The following CASZ1 variants were observed in gnomAD, a reference collection of about 807,000 sequenced individuals.
CASZ1 encodes zinc finger protein castor homolog 1.
CASZ1 carries 28 observed loss-of-function variants against 135.2 expected under a neutral mutation model. The ratio of observed to expected loss-of-function variants is 0.21; its 90% CI spans 0.15 to 0.28. The LOEUF (loss-of-function observed/expected upper bound fraction) is 0.28. CASZ1 is among the 10% of genes least tolerant of loss of function. The pLI is 1.00. For missense variants in CASZ1, 2,161 were observed against 2,453.3 expected (o/e 0.88, Z 2.52); for synonymous variants, 1,068 against 1,073.4 (o/e 0.99, Z 0.10).
intron 3 of CASZ1, among the ~76,000 whole-genome samples, chr1:10,698,209 C>T (rs1246237866): frequency 1.3e-5 from 2 of 152,240 alleles, no homozygotes; most frequent in Non-Finnish European, 2.9e-5. Context: ...TCCTGTTAGC[C>T]AGCAATCTCC....
chr1:10,744,031 C>T (rs531105115), intron 2 of CASZ1, among the ~76,000 whole-genome samples: 2 of 152,144 alleles, frequency 1.3e-5, no homozygotes, highest in African/African-American at 2.4e-5. Flanking sequence ...CTTGGCATAC[C>T]ACCTAATCAG....
chr1:10,787,495 G>A (rs374975504), intron 1 of CASZ1, among the ~76,000 whole-genome samples: 5 of 152,242 alleles, frequency 3.3e-5, no homozygotes, highest in Non-Finnish European at 5.9e-5. Flanking sequence ...GAGCGGCACA[G>A]CTGAGCTCCC....
intron 4 of CASZ1, among the ~76,000 whole-genome samples, chr1:10,678,253 C>T (rs900895186): frequency 6.6e-5 from 10 of 152,220 alleles, no homozygotes; most frequent in East Asian, 1.9e-4. Context: ...GCGACCATGA[C>T]GAGGACATGA....
At chr1:10,654,699 C>A in intron 9 of CASZ1, 108 bp from the exon 10 acceptor site, 2 of 1,069,244 alleles carry the variant, frequency 1.9e-6, no homozygotes, top group South Asian at 3.0e-5. Context: ...CTCAGGGAAG[C>A]TTTGGCACCT....
Position 10,644,981 on chromosome 1 carries a change from C to A in CASZ1, c.3804G>T (p.Lys1268Asn), listed in dbSNP as rs776839311. The A allele has an allele frequency of 6.2e-7, 1 of 1,614,050 alleles. No individual in the cohort carries two copies. The highest frequency in any genetic ancestry group is 2.2e-5 in the East Asian group (1 of 44,880). Residue 1268 changes from lysine (K) to asparagine (N), a missense_variant, in exon 18 of 21, where the codon AAG becomes AAT. Lys to Asn is a moderately conservative substitution (Grantham distance 94). Around this residue, in one of 7 missense-constraint regions of CASZ1, gnomAD observed 349 missense variants for 460.8 expected, o/e 0.76. Coordinates refer to ENST00000377022, the MANE Select transcript of CASZ1 (RefSeq NM_001079843.3). ...KLPWHIKKHE[K>N]AERRAANGFK... ...AGCCATTGGCTGCCCGCCGCTCCGC[C>A]TTCTCATGCTTCTTGATGTGCCAGG...
chr1:10,729,225 G>C (rs988834990), intron 2 of CASZ1, among the ~76,000 whole-genome samples: 2 of 152,172 alleles, frequency 1.3e-5, no homozygotes, highest in Non-Finnish European at 2.9e-5. Context: ...AGGCCAGAGG[G>C]CCCAAGACAG....
intron 1 of CASZ1, among the ~76,000 whole-genome samples, chr1:10,786,152 C>T (rs563068739): frequency 3.9e-5 from 6 of 152,262 alleles, no homozygotes; most frequent in Middle Eastern, 3.4e-3. Flanking sequence ...CGCCTTGGGC[C>T]GGTTTCCAAG....
chr1:10,644,866 T>C lies in CASZ1; in HGVS notation c.3868+51A>G, dbSNP rs376464364. 50 of 1,563,262 alleles carry C rather than the reference T, an allele frequency of 3.2e-5. No individual in the cohort carries two copies. In the African/African-American group the frequency reaches 5.7e-4, roughly 18 times the overall value. On this transcript the variant is annotated intron_variant, in intron 18 of 20. Coordinates refer to ENST00000377022, the MANE Select transcript of CASZ1 (RefSeq NM_001079843.3). ...GAGGCGGCCCAGGCCACGGGGGCCATGGTCTTGATGCCTGCTGCAAGTCCC... is the reference window on the plus strand; with the variant it reads ...GAGGCGGCCCAGGCCACGGGGGCCACGGTCTTGATGCCTGCTGCAAGTCCC...
intron 8 of CASZ1, 106 bp from the exon 9 acceptor site, chr1:10,655,919 G>A: frequency 8.6e-7 from 1 of 1,166,754 alleles, no homozygotes; most frequent in Non-Finnish European, 1.2e-6. Flanking sequence ...GGTCTCCCTA[G>A]AAAGAACCCT....
In CASZ1 at chr1:10,679,289, C is replaced by G. The variant is rs1487865619; in HGVS notation, c.17-13718G>C. Among the ~76,000 whole-genome samples the G allele has an allele frequency of 2.6e-5, 4 of 152,202 alleles. No individual in the cohort carries two copies. Among genetic ancestry groups the G allele is most frequent in the African/African-American group, 9.6e-5 (4 of 41,452 alleles). ...AGCCTAGTCCCAAACCTGAGGCAGA[C>G]AGGTCTCCTGGGCCATCTGCACCAC... On this transcript the variant is annotated intron_variant, in intron 4 of 20. Coordinates refer to ENST00000377022, the MANE Select transcript of CASZ1 (RefSeq NM_001079843.3). The surrounding 1 kb of genome is among the most constrained non-coding windows in gnomAD (Gnocchi z 4.7).
Position 10,676,983 on chromosome 1 carries a change from C to T in CASZ1, c.17-11412G>A, listed in dbSNP as rs975471261. 6.6e-6 allele frequency among the ~76,000 whole-genome samples: 1 copy of T among 152,228 alleles called. No individual in the cohort carries two copies. Among genetic ancestry groups the T allele is most frequent in the Non-Finnish European group, 1.5e-5 (1 of 68,044 alleles). ...GCCAGTCAGGGGGTGCAGGGCCCCA[C>T]AGACTTCAGTGCTGCCTGGGCTCTG... On this transcript the variant is annotated intron_variant, in intron 4 of 20. Coordinates refer to ENST00000377022, the MANE Select transcript of CASZ1 (RefSeq NM_001079843.3). This position sits in a 1 kb window ranked among gnomAD's most constrained non-coding sequence, Gnocchi z 4.5.
At position 10,643,129 on chromosome 1, in the gene CASZ1, G is replaced by C. The variant is rs368573634; in HGVS notation, c.4020+31C>G. The C allele has an allele frequency of 5.0e-6, 8 of 1,606,034 alleles. No individual in the cohort carries two copies. The African/African-American group carries it at 9.4e-5, about 19-fold the overall frequency. On this transcript the variant is annotated intron_variant, in intron 19 of 20. Coordinates refer to ENST00000377022, the MANE Select transcript of CASZ1 (RefSeq NM_001079843.3). ...GACCATGATGCGTTCCCGCCACCCT[G>C]GCTGGGCTCTCACCTGGGGGGGGCT...
intron 1 of CASZ1, among the ~76,000 whole-genome samples, chr1:10,784,119 C>T (rs1309615365): frequency 1.3e-5 from 2 of 152,182 alleles, no homozygotes; most frequent in Admixed American, 6.5e-5. Flanking sequence ...AAGCCCCGTT[C>T]TGCCTCACTC....
At position 10,780,315 on chromosome 1, in the gene CASZ1, CTG is replaced by C. The variant is rs1339130519; in HGVS notation, c.-234+16247_-234+16248del. 2.0e-5 allele frequency among the ~76,000 whole-genome samples: 3 copies of C among 152,204 alleles called. No individual in the cohort carries two copies. In the East Asian group the frequency reaches 5.8e-4, roughly 29 times the overall value. On this transcript the variant is annotated intron_variant, in intron 1 of 20. Coordinates refer to ENST00000377022, the MANE Select transcript of CASZ1 (RefSeq NM_001079843.3). ...TTAAAAGGAAAATTCTGCCACTTAA[CTG>C]AGCAAAAGCTACCCAGGAGAGAACA...
At chr1:10,742,124 G>C (rs1202504125) in intron 2 of CASZ1, among the ~76,000 whole-genome samples, 1 of 152,116 alleles carries the variant, frequency 6.6e-6, no homozygotes, top group Non-Finnish European at 1.5e-5. Flanking sequence ...GTCCCAAACA[G>C]ACAGAAGCAT....
intron 4 of CASZ1, among the ~76,000 whole-genome samples, chr1:10,668,562 G>A (rs1276903546): frequency 6.6e-6 from 1 of 152,242 alleles, no homozygotes; most frequent in Non-Finnish European, 1.5e-5. Context: ...GGGCTGGGCC[G>A]GGGCCTGGGA....
chr1:10,711,973 G>A lies in CASZ1; in HGVS notation c.-76-6429C>T, dbSNP rs932919644. ...AAGGGGTTCAGGGTTTCTGTCTGGA[G>A]TGATGAAAAAGTTCTGGAACTAGCT... On this transcript the variant is annotated intron_variant, in intron 2 of 20. Coordinates refer to ENST00000377022, the MANE Select transcript of CASZ1 (RefSeq NM_001079843.3). The surrounding 1 kb of genome is among the most constrained non-coding windows in gnomAD (Gnocchi z 4.4). Among the ~76,000 whole-genome samples, 38 of 152,322 alleles carry A rather than the reference G, an allele frequency of 2.5e-4. No homozygotes were observed. Among genetic ancestry groups the A allele is most frequent in the African/African-American group, 8.7e-4 (36 of 41,572 alleles).
chr1:10,674,624 C>T (rs1009712859), intron 4 of CASZ1, among the ~76,000 whole-genome samples: 1 of 152,238 alleles, frequency 6.6e-6, no homozygotes, highest in Non-Finnish European at 1.5e-5. Context: ...CTGGCTGGGG[C>T]TGCAGAGCAC....
In CASZ1 at chr1:10,676,332, C is replaced by T. The variant is rs1638222476; in HGVS notation, c.17-10761G>A. On this transcript the variant is annotated intron_variant, in intron 4 of 20. Transcript: ENST00000377022. This position sits in a 1 kb window ranked among gnomAD's most constrained non-coding sequence, Gnocchi z 4.5. ...GGCCACGTTGAGGGAGGGCCCCTGC[C>T]TGTCCCATGCTCACCCCTGTCCTTC... 6.6e-6 allele frequency among the ~76,000 whole-genome samples: 1 copy of T among 152,162 alleles called. No individual in the cohort carries two copies. The highest frequency in any genetic ancestry group is 6.5e-5 in the Admixed American group (1 of 15,282).
Sources: gnomAD v4.1 joint callset for allele counts (sites outside exome capture counted in the v4.1 genomes callset) on GRCh38, gnomAD v4.1.1 for gene constraint, gnomAD v4.1.1 regional missense constraint, Gnocchi (gnomAD v3.1) non-coding constraint, MANE v1.5 for transcripts, NCBI Gene and HGNC (gene_info 2026-07-23, HGNC 2026-07-21) for gene names.